Variants in PTPRT observed in about 807,000 individuals in gnomAD.
The protein encoded by PTPRT is protein tyrosine phosphatase receptor type T.
Under a neutral mutation model 176.8 loss-of-function variants are expected in PTPRT, and 56 were observed. The ratio of observed to expected loss-of-function variants is 0.32; its 90% CI spans 0.26 to 0.40. The LOEUF is 0.40. Among genes scored for constraint, PTPRT ranks in the 10% least tolerant of loss-of-function variants. The probability of loss-of-function intolerance (pLI) is 1.00; values close to 1 mark genes in which losing one functional copy is unlikely to be tolerated. For synonymous variants in PTPRT, 783 were observed against 739.0 expected, an observed-to-expected ratio of 1.06 and a Z score of -0.96; for missense variants, 1,540 against 1,908.2, an observed-to-expected ratio of 0.81 and a Z score of 3.60.
chr20:43,189,885 A>C lies in PTPRT; in HGVS notation c.-152T>G. 5.5e-6 allele frequency: 1 copy of C among 182,430 alleles called. No homozygotes were observed. Among genetic ancestry groups the C allele is most frequent in the Non-Finnish European group, 9.8e-6 (1 of 101,880 alleles). 11.3% of individuals were successfully genotyped at this position (182,430 alleles called of 1,614,324 possible). On this transcript the variant is annotated 5_prime_UTR_variant, in exon 1 of 31. Coordinates refer to ENST00000373187, the MANE Select transcript of PTPRT (RefSeq NM_007050.6). The surrounding 1 kb of genome is among the most constrained non-coding windows in gnomAD (Gnocchi z 5.0). Reference sequence around the variant, plus strand: ...CCCGGAGCCGGCGCTCCTGCGTTCCAAGCCGAGGCGCGGCGCGAACTGAGG... The same window carrying C: ...CCCGGAGCCGGCGCTCCTGCGTTCCCAGCCGAGGCGCGGCGCGAACTGAGG...
chr20:42,720,360 G>T (rs1227318196), intron 6 of PTPRT, among the ~76,000 whole-genome samples: 2 of 152,194 alleles, frequency 1.3e-5, no homozygotes, highest in Non-Finnish European at 2.9e-5. Context: ...AGGTCACATG[G>T]TTGTGTCTGA....
chr20:42,364,924 C>G (rs2145578089), intron 9 of PTPRT, among the ~76,000 whole-genome samples: 1 of 152,300 alleles, frequency 6.6e-6, no homozygotes, highest in South Asian at 2.1e-4. Context: ...AGTCAGAAAC[C>G]TTGGGTACAA....
chr20:43,129,338 G>A (rs1043357783), intron 1 of PTPRT, among the ~76,000 whole-genome samples: 1 of 152,224 alleles, frequency 6.6e-6, no homozygotes, highest in Non-Finnish European at 1.5e-5. Context: ...ACGAGGACAA[G>A]AGTCGAATTG....
chr20:43,149,252 A>C lies in PTPRT; in HGVS notation c.88+40394T>G, dbSNP rs549868242. Among the ~76,000 whole-genome samples the C allele has an allele frequency of 1.2e-4, 18 of 152,326 alleles. No homozygotes were observed. In the East Asian group the frequency reaches 2.7e-3, roughly 23 times the overall value. On this transcript the variant is annotated intron_variant, in intron 1 of 30. Transcript: ENST00000373187. ...GTGCATTATGTTTTAATAAAGCAAA[A>C]ATTAGTAAATATTTGCCTTTCTTTT...
intron 7 of PTPRT, among the ~76,000 whole-genome samples, chr20:42,532,977 G>C (rs2072411790): frequency 6.6e-6 from 1 of 152,126 alleles, no homozygotes; most frequent in Non-Finnish European, 1.5e-5. Context: ...TCTTAATGCA[G>C]GGAGAGTTAT....
intron 1 of PTPRT, among the ~76,000 whole-genome samples, chr20:43,110,926 C>T (rs559600511): frequency 4.0e-4 from 61 of 152,080 alleles, no homozygotes; most frequent in Non-Finnish European, 7.1e-4. Flanking sequence ...ATCTCAGTGA[C>T]GAGGCAGCAC....
At chr20:42,139,367 C>T (rs181868731) in intron 18 of PTPRT, among the ~76,000 whole-genome samples, 3 of 152,214 alleles carry the variant, frequency 2.0e-5, no homozygotes, top group South Asian at 4.1e-4. Context: ...AGATCTAAGA[C>T]AGAGATTTTA....
chr20:42,140,378 G>A (rs1988567682), intron 18 of PTPRT, among the ~76,000 whole-genome samples: 1 of 152,176 alleles, frequency 6.6e-6, no homozygotes, highest in Non-Finnish European at 1.5e-5. Context: ...TAGAATACAT[G>A]CTTAGCATTT....
At chr20:42,984,714 G>A (rs929406838) in intron 1 of PTPRT, among the ~76,000 whole-genome samples, 1 of 152,232 alleles carries the variant, frequency 6.6e-6, no homozygotes, top group African/African-American at 2.4e-5. Flanking sequence ...TAGGCTCAGA[G>A]AAGTTCTTTA....
chr20:42,467,063 C>CA (rs1202686335), intron 8 of PTPRT, among the ~76,000 whole-genome samples: 1 of 151,788 alleles, frequency 6.6e-6, no homozygotes, highest in South Asian at 2.1e-4. Flanking sequence ...ACAGGGAGAC[C>CA]AAAAACAGGG....
At chr20:42,860,831 A>G (rs1285090211) in intron 2 of PTPRT, among the ~76,000 whole-genome samples, 1 of 152,200 alleles carries the variant, frequency 6.6e-6, no homozygotes, top group African/African-American at 2.4e-5. Flanking sequence ...TGCCATAATT[A>G]TATTTCCCAT....
At chr20:42,444,160 G>A (rs148339805) in intron 9 of PTPRT, among the ~76,000 whole-genome samples, 6 of 151,954 alleles carry the variant, frequency 3.9e-5, no homozygotes, top group Admixed American at 2.6e-4. Flanking sequence ...CAGTCACTCC[G>A]GTCTCCTTTT....
At chr20:42,808,918 G>A (rs2077654516) in intron 2 of PTPRT, among the ~76,000 whole-genome samples, 1 of 152,198 alleles carries the variant, frequency 6.6e-6, no homozygotes, top group Non-Finnish European at 1.5e-5. Context: ...GCTCTCAGCT[G>A]CCGGAGGGAG....
intron 1 of PTPRT, among the ~76,000 whole-genome samples, chr20:43,122,661 C>T (rs1363434864): frequency 6.6e-6 from 1 of 152,224 alleles, no homozygotes; most frequent in Non-Finnish European, 1.5e-5. Flanking sequence ...CCTTCTCTCT[C>T]TCTTGCTCCC....
intron 23 of PTPRT, among the ~76,000 whole-genome samples, chr20:42,109,854 A>C (rs1600530361): frequency 6.6e-6 from 1 of 152,194 alleles, no homozygotes; most frequent in Admixed American, 6.5e-5. Flanking sequence ...GTTTTCAGGC[A>C]ACAACAGTAA....
At chr20:42,676,069 A>G (rs1209057295) in intron 7 of PTPRT, among the ~76,000 whole-genome samples, 1 of 152,202 alleles carries the variant, frequency 6.6e-6, no homozygotes, top group African/African-American at 2.4e-5. Flanking sequence ...TGCAGTGTTA[A>G]CAATGTCATC....
At chr20:42,605,985 G>A (rs2073869256) in intron 7 of PTPRT, among the ~76,000 whole-genome samples, 4 of 152,204 alleles carry the variant, frequency 2.6e-5, no homozygotes, top group Admixed American at 2.6e-4. Flanking sequence ...CTCAAAGTGT[G>A]GTTGGTGGAC....
chr20:42,346,971 C>T (rs1388860694), intron 11 of PTPRT, among the ~76,000 whole-genome samples: 1 of 152,148 alleles, frequency 6.6e-6, no homozygotes, highest in Non-Finnish European at 1.5e-5. Flanking sequence ...GTAGCACCCC[C>T]ACAAAAGGGC....
intron 7 of PTPRT, among the ~76,000 whole-genome samples, chr20:42,643,827 A>G (rs950937124): frequency 3.3e-5 from 5 of 151,818 alleles, no homozygotes; most frequent in African/African-American, 7.3e-5. Flanking sequence ...TTGCCTGAGC[A>G]TAATGCCTCT....
Sources: gnomAD v4.1 joint callset for allele counts (sites outside exome capture counted in the v4.1 genomes callset) on GRCh38, gnomAD v4.1.1 for gene constraint, Gnocchi (gnomAD v3.1) non-coding constraint, MANE v1.5 for transcripts, NCBI Gene and HGNC (gene_info 2026-07-23, HGNC 2026-07-21) for gene names.